The following PTPRT variants were observed in gnomAD, a reference collection of about 807,000 sequenced individuals.
The protein encoded by PTPRT is receptor-type tyrosine-protein phosphatase T.
PTPRT carries 56 observed loss-of-function variants against 176.8 expected under a neutral mutation model. That is an observed-to-expected ratio of 0.32 (90% CI 0.26 to 0.40). PTPRT has a LOEUF of 0.40. Among genes scored for constraint, PTPRT ranks in the 10% least tolerant of loss-of-function variants. PTPRT has a pLI of 1.00. For missense variants in PTPRT, 1,540 were observed against 1,908.2 expected (o/e 0.81, Z 3.60); for synonymous variants, 783 against 739.0 (o/e 1.06, Z -0.96).
intron 7 of PTPRT, among the ~76,000 whole-genome samples, chr20:42,482,794 T>C (rs567687159): frequency 1.5e-4 from 23 of 152,286 alleles, no homozygotes; most frequent in Non-Finnish European, 2.6e-4. Flanking sequence ...TTACTTTTTT[T>C]CCCACGGCTT....
chr20:42,074,994 A>T lies in PTPRT; in HGVS notation c.*5885T>A. ...TGTCAGAAGAAACTGGAGCTAGAAC[A>T]GCTCCCCCCACACTCCACCACTAAC... On this transcript the variant is annotated 3_prime_UTR_variant, in exon 31 of 31. Transcript: ENST00000373187. 1 of 394,448 alleles carries T rather than the reference A, an allele frequency of 2.5e-6. No homozygotes were observed. 24.4% of individuals were successfully genotyped at this position (394,448 alleles called of 1,614,324 possible).
chr20:43,189,360 G>T lies in PTPRT; in HGVS notation c.88+286C>A, dbSNP rs1366012236. ...TGGGAGGCAGCAAGTGGAAATATTC[G>T]CAACAACCGCGGAAAGTTACTCCAG... On this transcript the variant is annotated intron_variant, in intron 1 of 30. Transcript: ENST00000373187. The surrounding 1 kb of genome is among the most constrained non-coding windows in gnomAD (Gnocchi z 5.0). 6.6e-6 allele frequency among the ~76,000 whole-genome samples: 1 copy of T among 152,158 alleles called. No homozygotes were observed. The highest frequency in any genetic ancestry group is 6.5e-5 in the Admixed American group (1 of 15,288).
At chr20:42,665,177 A>G (rs533461872) in intron 7 of PTPRT, among the ~76,000 whole-genome samples, 1 of 152,190 alleles carries the variant, frequency 6.6e-6, no homozygotes, top group African/African-American at 2.4e-5. Context: ...ACAGAATGGG[A>G]GAAAATTTTT....
At chr20:42,845,578 G>A (rs535571248) in intron 2 of PTPRT, among the ~76,000 whole-genome samples, 3 of 152,230 alleles carry the variant, frequency 2.0e-5, no homozygotes, top group African/African-American at 7.2e-5. Flanking sequence ...TGTTGAGAGG[G>A]CACACACCTG....
intron 23 of PTPRT, among the ~76,000 whole-genome samples, chr20:42,109,963 A>AAGAGT (rs1331773452): frequency 2.0e-5 from 3 of 152,276 alleles, no homozygotes; most frequent in African/African-American, 7.2e-5. Flanking sequence ...AGGAGTCTCT[A>AAGAGT]AGAGTAAAGC....
At chr20:42,756,379 G>A (rs576977224) in intron 6 of PTPRT, 83 bp downstream of exon 6, 2 of 1,314,804 alleles carry the variant, frequency 1.5e-6, no homozygotes, top group African/African-American at 3.0e-5. Context: ...TGTGGGGGAG[G>A]ATCAGCAGAT....
chr20:42,263,886 G>T (rs1438006547), intron 13 of PTPRT, among the ~76,000 whole-genome samples: 1 of 151,976 alleles, frequency 6.6e-6, no homozygotes, highest in Non-Finnish European at 1.5e-5. Context: ...ATATTGGAAG[G>T]GGATTGATGT....
intron 1 of PTPRT, among the ~76,000 whole-genome samples, chr20:43,141,643 T>C (rs2014010208): frequency 6.6e-6 from 1 of 152,186 alleles, no homozygotes; most frequent in Non-Finnish European, 1.5e-5. Flanking sequence ...ATGTACAGTG[T>C]TGCATTGCAA....
chr20:42,871,414 A>G (rs1274587400), intron 2 of PTPRT, among the ~76,000 whole-genome samples: 1 of 151,816 alleles, frequency 6.6e-6, no homozygotes, highest in Non-Finnish European at 1.5e-5. Context: ...AGGTTTGTAA[A>G]TATTTTCTCC....
chr20:42,148,725 C>T (rs1200872081), intron 17 of PTPRT, among the ~76,000 whole-genome samples: 3 of 152,136 alleles, frequency 2.0e-5, no homozygotes, highest in Non-Finnish European at 2.9e-5. Context: ...TCTGAGGCCA[C>T]GATGGAACAA....
intron 2 of PTPRT, among the ~76,000 whole-genome samples, chr20:42,866,268 CATT>C (rs978084690): frequency 1.6e-4 from 24 of 152,276 alleles, no homozygotes; most frequent in African/African-American, 5.3e-4. Context: ...GCATCCTGGC[CATT>C]TTTAGCACAC....
chr20:42,109,095 C>A (rs1178301264), intron 23 of PTPRT, among the ~76,000 whole-genome samples: 1 of 152,220 alleles, frequency 6.6e-6, no homozygotes, highest in Admixed American at 6.5e-5. Context: ...ATTACCTCCT[C>A]ATCCTCACTT....
At chr20:42,129,559 G>A (rs954056943) in intron 18 of PTPRT, among the ~76,000 whole-genome samples, 15 of 152,256 alleles carry the variant, frequency 9.9e-5, no homozygotes, top group South Asian at 2.1e-4. Context: ...GCTCTGACAC[G>A]CTAATAGACA....
At chr20:42,625,574 G>C (rs1416960752) in intron 7 of PTPRT, among the ~76,000 whole-genome samples, 2 of 151,954 alleles carry the variant, frequency 1.3e-5, no homozygotes, top group East Asian at 3.9e-4. Context: ...CTCAACTCCA[G>C]AGGTAGCTGG....
chr20:43,167,310 A>C (rs940551024), intron 1 of PTPRT, among the ~76,000 whole-genome samples: 8 of 152,236 alleles, frequency 5.3e-5, no homozygotes, highest in Admixed American at 5.2e-4. Context: ...ACCAAGGTAA[A>C]TAAGTAACCA....
intron 14 of PTPRT, among the ~76,000 whole-genome samples, chr20:42,245,914 AAGC>A (rs1384927245): frequency 6.6e-6 from 1 of 152,196 alleles, no homozygotes; most frequent in African/African-American, 2.4e-5. Flanking sequence ...AGGCAAGCTT[AAGC>A]CAGTGGAGGG....
intron 1 of PTPRT, among the ~76,000 whole-genome samples, chr20:43,144,115 C>G (rs1568810397): frequency 1.3e-5 from 2 of 152,186 alleles, no homozygotes; most frequent in South Asian, 4.1e-4. Flanking sequence ...TATCCATCCA[C>G]TTCCACGATT....
chr20:42,228,290 G>A (rs2056063276), intron 15 of PTPRT, among the ~76,000 whole-genome samples: 1 of 152,142 alleles, frequency 6.6e-6, no homozygotes, highest in Non-Finnish European at 1.5e-5. Context: ...TGCCACCTTT[G>A]GAGGTAAAAT....
At chr20:42,527,813 C>G (rs955269025) in intron 7 of PTPRT, among the ~76,000 whole-genome samples, 3 of 152,174 alleles carry the variant, frequency 2.0e-5, no homozygotes, top group Admixed American at 1.3e-4. Context: ...ATTTGGCAAC[C>G]AAGACCAGCT....
Sources: allele counts gnomAD v4.1 joint callset (sites outside exome capture counted in the v4.1 genomes callset), GRCh38; gene constraint gnomAD v4.1.1; non-coding constraint Gnocchi (gnomAD v3.1); transcripts MANE v1.5; gene names NCBI Gene and HGNC (gene_info 2026-07-23, HGNC 2026-07-21).